The following KIAA0319L variants were observed in gnomAD, a reference collection of about 807,000 sequenced individuals.
KIAA0319L encodes the protein dyslexia-associated protein KIAA0319-like protein.
A neutral mutation model predicts 120.1 loss-of-function variants in KIAA0319L; 55 were observed. The observed-to-expected ratio is 0.46, with a 90% CI of 0.37 to 0.57. The LOEUF (loss-of-function observed/expected upper bound fraction) is 0.57, where lower values mean the gene tolerates loss of function less well. Among genes scored for constraint, KIAA0319L ranks in the 20% least tolerant of loss-of-function variants. The probability of loss-of-function intolerance (pLI) is 0.00; values close to 1 mark genes in which losing one functional copy is unlikely to be tolerated. For missense variants in KIAA0319L, 1,049 were observed against 1,255.3 expected, an observed-to-expected ratio of 0.84 and a Z score of 2.48; for synonymous variants, 398 against 471.9, an observed-to-expected ratio of 0.84 and a Z score of 2.03.
Position 35,444,281 on chromosome 1 carries a change from G to T in KIAA0319L, c.2536C>A (p.Gln846Lys). The stretch of plus-strand genomic sequence containing the variant: ...AAGATCTGGTGGGGAGGCTCGTTTT[G>T]AACAAAAAATACCATTTTGGTGCTG... Reference protein sequence around the residue: ...EQSTKMVFFVQNEPPHQIFKG... With the variant: ...EQSTKMVFFVKNEPPHQIFKG... The change falls in exon 17 of 21, where the codon CAA (glutamine) becomes AAA (lysine). Residue 846 changes from glutamine to lysine, a missense_variant. Gln to Lys is a moderately conservative substitution (Grantham distance 53). Transcript: ENST00000325722. 1 of 1,605,864 alleles carries T rather than the reference G, an allele frequency of 6.2e-7. No homozygotes were observed. The highest frequency in any genetic ancestry group is 8.5e-7 in the Non-Finnish European group (1 of 1,176,820).
chr1:35,545,273 G>C (rs1229707274), intron 2 of KIAA0319L, among the ~76,000 whole-genome samples: 4 of 152,140 alleles, frequency 2.6e-5, no homozygotes, highest in African/African-American at 9.7e-5. Context: ...AGTGAAGAGT[G>C]AAGCAATCAC....
intron 9 of KIAA0319L, 24 bp downstream of exon 9, chr1:35,460,281 A>T (rs1185961846): frequency 6.2e-6 from 10 of 1,604,012 alleles, no homozygotes; most frequent in Admixed American, 1.7e-5. Context: ...CCTATGGTAA[A>T]CTTGAAGCTG....
Position 35,479,140 on chromosome 1 carries a change from T to A in KIAA0319L, c.739A>T (p.Asn247Tyr). Residue 247 changes from asparagine (N) to tyrosine (Y), a missense_variant, in exon 4 of 21, where the codon AAT (asparagine) becomes TAT (tyrosine). Physicochemically the swap from Asn to Tyr is moderately radical, Grantham distance 143 (BLOSUM62 -2). Coordinates refer to ENST00000325722, the MANE Select transcript of KIAA0319L (RefSeq NM_024874.5). Reference sequence around the variant, plus strand: ...GATATTTCAGGTTGCACTGATACATTCTTTGGCCCACCAGACAGCTCTGCA... The same window carrying A: ...GATATTTCAGGTTGCACTGATACATACTTTGGCCCACCAGACAGCTCTGCA... ...LTAELSGGPK[N>Y]VSVQPEISEG... The A allele has an allele frequency of 6.2e-7, 1 of 1,614,140 alleles. No homozygotes were observed. The highest frequency in any genetic ancestry group is 8.5e-7 in the Non-Finnish European group (1 of 1,179,982).
At chr1:35,550,550 T>C (rs576050835) in intron 2 of KIAA0319L, among the ~76,000 whole-genome samples, 1 of 152,276 alleles carries the variant, frequency 6.6e-6, no homozygotes, top group South Asian at 2.1e-4. Flanking sequence ...GAAGAGATAA[T>C]AATTCCTCTA....
At chr1:35,439,572 T>C (rs1353510386) in intron 20 of KIAA0319L, 1 of 152,050 alleles carries the variant, frequency 6.6e-6, no homozygotes, top group African/African-American at 2.4e-5. Flanking sequence ...GCGAGAGAAA[T>C]GCCGACCCAG....
Position 35,458,932 on chromosome 1 carries a change from G to A in KIAA0319L, c.1427+1373C>T, listed in dbSNP as rs147407172. ...CAGCTACTTTTCATTCACCTGAAGT[G>A]TTGAATCAATGGAAATCCTGCTAAG... On this transcript the variant is annotated intron_variant, in intron 9 of 20. Coordinates refer to ENST00000325722, the MANE Select transcript of KIAA0319L (RefSeq NM_024874.5). Among the ~76,000 whole-genome samples, 368 of 152,292 alleles carry A rather than the reference G, an allele frequency of 2.4e-3. 2 individuals are homozygous for A. Among genetic ancestry groups the A allele is most frequent in the African/African-American group, 7.8e-3 (326 of 41,564 alleles).
In KIAA0319L at chr1:35,557,246, G is replaced by A; in HGVS notation, c.-68C>T. The A allele has an allele frequency of 5.5e-6, 1 of 183,140 alleles. No individual in the cohort carries two copies. Among genetic ancestry groups the A allele is most frequent in the South Asian group, 8.1e-5 (1 of 12,290 alleles). 11.3% of individuals were successfully genotyped at this position (183,140 alleles called of 1,614,324 possible). ...ACATAGCGGGGCCCCGGCTCTCGGCGGCCTCCGCCTCCTCCTGGTCCATGG... is the reference window on the plus strand; with the variant it reads ...ACATAGCGGGGCCCCGGCTCTCGGCAGCCTCCGCCTCCTCCTGGTCCATGG... On this transcript the variant is annotated 5_prime_UTR_variant, in exon 1 of 21. Coordinates refer to ENST00000325722, the MANE Select transcript of KIAA0319L (RefSeq NM_024874.5).
intron 19 of KIAA0319L, 26 bp downstream of exon 19, chr1:35,442,220 G>T: frequency 1.3e-6 from 2 of 1,551,544 alleles, no homozygotes; most frequent in East Asian, 2.2e-5. Flanking sequence ...AAGCCCGAAT[G>T]AATTTCAAAG....
At chr1:35,488,109 A>T (rs1644456704) in intron 3 of KIAA0319L, among the ~76,000 whole-genome samples, 1 of 152,098 alleles carries the variant, frequency 6.6e-6, no homozygotes, top group Non-Finnish European at 1.5e-5. Flanking sequence ...TCAGGAAAAA[A>T]TTTTTTTAAG....
At chr1:35,460,098 CTAT>C (rs1225921601) in intron 9 of KIAA0319L, among the ~76,000 whole-genome samples, 1 of 152,194 alleles carries the variant, frequency 6.6e-6, no homozygotes, top group Non-Finnish European at 1.5e-5. Flanking sequence ...TCCTGATCTA[CTAT>C]ACAAGAACCT....
rs1642080348 is a variant in KIAA0319L at position 35,451,756 on chromosome 1, A to G, written c.1934T>C (p.Leu645Pro). ...EKTQGPDGVQ[L>P]ENANSSVATV... ...AGCAACACTGCTGTTAGCATTCTCG[A>G]GCTGCACCCCATCAGGTCCCCTGCA... The change falls in exon 13 of 21, where the codon CTC (leucine) becomes CCC (proline). Residue 645 changes from leucine to proline, a missense_variant. Coordinates refer to ENST00000325722, the MANE Select transcript of KIAA0319L (RefSeq NM_024874.5). 2 of 1,614,014 alleles carry G rather than the reference A, an allele frequency of 1.2e-6. No homozygotes were observed. Among genetic ancestry groups the G allele is most frequent in the Non-Finnish European group, 1.7e-6 (2 of 1,180,012 alleles).
intron 20 of KIAA0319L, 131 bp from the exon 21 acceptor site, chr1:35,435,212 A>G: frequency 1.3e-6 from 1 of 797,346 alleles, no homozygotes; most frequent in Admixed American, 2.7e-5. Flanking sequence ...TGGGAGGTGC[A>G]GATGGGAAGG....
At chr1:35,539,258 C>T (rs555720940) in intron 2 of KIAA0319L, among the ~76,000 whole-genome samples, 23 of 152,270 alleles carry the variant, frequency 1.5e-4, no homozygotes, top group South Asian at 6.2e-4. Context: ...AGCTTGGGAA[C>T]GGAAAGGAGG....
intron 2 of KIAA0319L, among the ~76,000 whole-genome samples, chr1:35,539,314 T>G (rs1043399254): frequency 2.0e-4 from 30 of 152,224 alleles, no homozygotes; most frequent in African/African-American, 6.8e-4. Flanking sequence ...AGAAAACTTT[T>G]GTTTCTGCCT....
intron 3 of KIAA0319L, among the ~76,000 whole-genome samples, chr1:35,504,474 G>A (rs1645134686): frequency 6.6e-6 from 1 of 152,214 alleles, no homozygotes; most frequent in African/African-American, 2.4e-5. Flanking sequence ...GGGATTACAG[G>A]CATAAGCCAT....
chr1:35,545,832 T>C (rs920459076), intron 2 of KIAA0319L, among the ~76,000 whole-genome samples: 46 of 151,860 alleles, frequency 3.0e-4, no homozygotes, highest in Non-Finnish European at 2.4e-4. Context: ...GAGGCAGAGG[T>C]TGCAGTGAGC....
intron 6 of KIAA0319L, among the ~76,000 whole-genome samples, chr1:35,467,972 A>C (rs1385479400): frequency 6.6e-6 from 1 of 152,274 alleles, no homozygotes; most frequent in East Asian, 1.9e-4. Flanking sequence ...TACAGGCTTG[A>C]GCCACTGCAC....
intron 3 of KIAA0319L, among the ~76,000 whole-genome samples, chr1:35,503,789 C>T (rs1411310212): frequency 6.6e-6 from 1 of 152,140 alleles, no homozygotes; most frequent in East Asian, 1.9e-4. Flanking sequence ...CCAACTACTC[C>T]TCTTCCTCAG....
intron 16 of KIAA0319L, among the ~76,000 whole-genome samples, chr1:35,444,596 T>C (rs981623748): frequency 3.9e-5 from 6 of 152,206 alleles, no homozygotes; most frequent in Non-Finnish European, 8.8e-5. Context: ...CTTTTTAAAA[T>C]GCCCTAAGCT....
Sources: allele counts gnomAD v4.1 joint callset (sites outside exome capture counted in the v4.1 genomes callset), GRCh38; gene constraint gnomAD v4.1.1; transcripts MANE v1.5; gene names NCBI Gene and HGNC (gene_info 2026-07-23, HGNC 2026-07-21).